The following LRRC4C variants were observed in gnomAD, a reference collection of about 807,000 sequenced individuals.
The protein encoded by LRRC4C is leucine rich repeat containing 4C.
A neutral mutation model predicts 33.6 loss-of-function variants in LRRC4C; 5 were observed. The observed-to-expected ratio is 0.15, with a 90% confidence interval of 0.08 to 0.31. LRRC4C has a LOEUF of 0.31. LRRC4C is among the 10% of genes least tolerant of loss of function. The pLI, the probability that LRRC4C is intolerant of heterozygous loss-of-function variation, is 1.00. For missense variants in LRRC4C, 560 were observed against 796.7 expected (o/e 0.70, Z 3.58); for synonymous variants, 329 against 302.0 (o/e 1.09, Z -0.93).
intron 2 of LRRC4C, among the ~76,000 whole-genome samples, chr11:40,906,263 C>A (rs1469295824): frequency 1.3e-5 from 2 of 152,214 alleles, no homozygotes; most frequent in African/African-American, 2.4e-5. Context: ...GTGCTCCCTG[C>A]GCTTTGGGAG....
At chr11:41,199,925 T>G (rs1358166924) in intron 1 of LRRC4C, among the ~76,000 whole-genome samples, 1 of 152,112 alleles carries the variant, frequency 6.6e-6, no homozygotes, top group African/African-American at 2.4e-5. Flanking sequence ...CTTAACATCT[T>G]AAACATGAAT....
intron 1 of LRRC4C, among the ~76,000 whole-genome samples, chr11:41,236,018 AT>A (rs1948006263): frequency 6.6e-6 from 1 of 152,134 alleles, no homozygotes; most frequent in Non-Finnish European, 1.5e-5. Flanking sequence ...TGGCTATGGA[AT>A]TAAGTTCCAA....
intron 2 of LRRC4C, among the ~76,000 whole-genome samples, chr11:40,901,343 G>T (rs2136190716): frequency 6.6e-6 from 1 of 152,128 alleles, no homozygotes; most frequent in Non-Finnish European, 1.5e-5. Context: ...GGCTAACAGT[G>T]AAATACCAGG....
intron 2 of LRRC4C, among the ~76,000 whole-genome samples, chr11:40,771,679 C>T (rs1033976611): frequency 1.3e-5 from 2 of 152,150 alleles, no homozygotes; most frequent in Non-Finnish European, 2.9e-5. Flanking sequence ...TTATCTCTCT[C>T]AAGTTCCATA....
chr11:41,344,141 C>T (rs1303902608), intron 1 of LRRC4C, among the ~76,000 whole-genome samples: 1 of 151,936 alleles, frequency 6.6e-6, no homozygotes, highest in African/African-American at 2.4e-5. Flanking sequence ...CTTGAGAGAA[C>T]ATCCCCATTC....
intron 2 of LRRC4C, among the ~76,000 whole-genome samples, chr11:40,896,691 G>A (rs1046004223): frequency 6.6e-6 from 1 of 151,670 alleles, no homozygotes; most frequent in African/African-American, 2.4e-5. Context: ...TGCTATATAT[G>A]TATATATTAA....
At chr11:40,507,885 A>C (rs981507411) in intron 3 of LRRC4C, among the ~76,000 whole-genome samples, 9 of 151,952 alleles carry the variant, frequency 5.9e-5, no homozygotes, top group Admixed American at 3.3e-4. Flanking sequence ...GATTACAAGC[A>C]GGCACCACCA....
chr11:40,418,171 C>A (rs545855428), intron 3 of LRRC4C, among the ~76,000 whole-genome samples: 1 of 152,142 alleles, frequency 6.6e-6, no homozygotes, highest in East Asian at 1.9e-4. Context: ...AACAGGCAAC[C>A]TACAGAGTGG....
intron 2 of LRRC4C, among the ~76,000 whole-genome samples, chr11:40,759,122 A>C (rs1042931747): frequency 6.8e-6 from 1 of 147,234 alleles, no homozygotes; most frequent in Non-Finnish European, 1.5e-5. Context: ...TATCTTCCTT[A>C]TGTATGTAAT....
At chr11:40,915,350 A>G (rs1466404305) in intron 2 of LRRC4C, among the ~76,000 whole-genome samples, 1 of 152,184 alleles carries the variant, frequency 6.6e-6, no homozygotes, top group Non-Finnish European at 1.5e-5. Flanking sequence ...AAACAGAGAT[A>G]TAGATCAATG....
chr11:41,436,152 T>A lies in LRRC4C; in HGVS notation c.-496+23279A>T, dbSNP rs560982011. Among the ~76,000 whole-genome samples the A allele has an allele frequency of 8.6e-4, 131 of 152,274 alleles. 2 individuals carry two copies. Among genetic ancestry groups the A allele is most frequent in the South Asian group, 1.9e-3 (9 of 4,822 alleles). On this transcript the variant is annotated intron_variant, in intron 1 of 6. Transcript: ENST00000528697. ...CCAGGAGGTGGAGGTTGCAGTGAGC[T>A]GAGATCGTGCCACTGCACTTCAGGC...
intron 1 of LRRC4C, among the ~76,000 whole-genome samples, chr11:41,399,031 C>A (rs1953928482): frequency 6.6e-6 from 1 of 151,812 alleles, no homozygotes; most frequent in South Asian, 2.1e-4. Context: ...ATAAGATTTA[C>A]AATACACAAT....
At chr11:40,453,385 A>G (rs985406467) in intron 3 of LRRC4C, among the ~76,000 whole-genome samples, 2 of 152,314 alleles carry the variant, frequency 1.3e-5, no homozygotes, top group South Asian at 4.1e-4. Flanking sequence ...GATAACAACT[A>G]AAGAAATTGA....
At chr11:40,428,866 TC>T (rs1295230269) in intron 3 of LRRC4C, among the ~76,000 whole-genome samples, 2 of 152,204 alleles carry the variant, frequency 1.3e-5, no homozygotes, top group Non-Finnish European at 2.9e-5. Context: ...AGAGCTCTGT[TC>T]CCATATACTT....
intron 2 of LRRC4C, among the ~76,000 whole-genome samples, chr11:40,899,986 C>T (rs1385952906): frequency 1.3e-5 from 2 of 152,026 alleles, no homozygotes; most frequent in Non-Finnish European, 1.5e-5. Flanking sequence ...TAGTCTTTTG[C>T]CCCATGGTTT....
At chr11:40,212,146 G>T (rs2135834291) in intron 5 of LRRC4C, among the ~76,000 whole-genome samples, 1 of 152,280 alleles carries the variant, frequency 6.6e-6, no homozygotes, top group South Asian at 2.1e-4. Flanking sequence ...AGATTGAGTA[G>T]TAAATGTGGA....
At chr11:41,080,328 G>T (rs1459116586) in intron 1 of LRRC4C, among the ~76,000 whole-genome samples, 1 of 146,668 alleles carries the variant, frequency 6.8e-6, no homozygotes, top group Non-Finnish European at 1.5e-5. Context: ...TGACCCAAAT[G>T]TCAGAGTCTC....
chr11:40,551,296 C>A (rs1413535228), intron 3 of LRRC4C, among the ~76,000 whole-genome samples: 9 of 151,920 alleles, frequency 5.9e-5, no homozygotes, highest in Admixed American at 5.3e-4. Flanking sequence ...TCACTCCTAA[C>A]ATTTCATTTG....
intron 3 of LRRC4C, among the ~76,000 whole-genome samples, chr11:40,368,296 G>A (rs933162247): frequency 7.9e-5 from 12 of 152,112 alleles, no homozygotes. Flanking sequence ...GCCTTGAAAG[G>A]TAAGAGGACA....
Sources: allele counts gnomAD v4.1 joint callset (sites outside exome capture counted in the v4.1 genomes callset), GRCh38; gene constraint gnomAD v4.1.1; transcripts MANE v1.5; gene names NCBI Gene and HGNC (gene_info 2026-07-23, HGNC 2026-07-21).